CCDC146: variants seen among roughly 807,000 people sequenced by gnomAD.
The protein encoded by CCDC146 is coiled-coil domain-containing protein 146.
A neutral mutation model predicts 119.3 loss-of-function variants in CCDC146; 92 were observed. That is an observed-to-expected ratio of 0.77 (90% CI 0.65 to 0.92). The LOEUF is 0.92. Ranked by LOEUF, CCDC146 falls within the 40% of genes least tolerant of loss-of-function variation. The probability of loss-of-function intolerance (pLI) is 0.00; values close to 1 mark genes in which losing one functional copy is unlikely to be tolerated. For missense variants in CCDC146, 1,000 were observed against 1,103.0 expected (o/e 0.91, Z 1.32); for synonymous variants, 372 against 371.8 (o/e 1.00, Z -0.01).
chr7:77,274,772 G>T (rs141976639), intron 11 of CCDC146, 120 bp downstream of exon 11: 5 of 767,120 alleles, frequency 6.5e-6, no homozygotes, highest in Middle Eastern at 6.5e-4. Context: ...GCAAACTATC[G>T]CAAGGACAAA....
At chr7:77,229,444 A>G (rs34406953) in intron 2 of CCDC146, among the ~76,000 whole-genome samples, 16,074 of 152,100 alleles carry the variant, frequency 0.11, 1,113 homozygotes, top group Non-Finnish European at 0.16. Context: ...GGTTATTATA[A>G]TTTTAGGTTT....
chr7:77,199,343 T>A lies in CCDC146; in HGVS notation c.156+31519T>A, dbSNP rs368323291. On this transcript the variant is annotated intron_variant, in intron 2 of 18. Coordinates refer to ENST00000285871, the MANE Select transcript of CCDC146 (RefSeq NM_020879.3). Reference sequence around the variant, plus strand: ...TCCAGGCGACCATGAAGTACATTGATCTCCTCTTTGGCATTCTTTAGCTCA... The same window carrying A: ...TCCAGGCGACCATGAAGTACATTGAACTCCTCTTTGGCATTCTTTAGCTCA... 1.2e-5 allele frequency: 19 copies of A among 1,614,124 alleles called. No individual in the cohort carries two copies. In the African/African-American group the frequency reaches 1.6e-4, roughly 14 times the overall value.
At chr7:77,125,278 A>ATTG (rs1347761025) in intron 1 of CCDC146, among the ~76,000 whole-genome samples, 1 of 104,532 alleles carries the variant, frequency 9.6e-6, no homozygotes, top group Non-Finnish European at 2.3e-5. Context: ...CAATTTAAAC[A>ATTG]TATCTTGATA....
At chr7:77,250,381 A>G (rs1048815408) in intron 4 of CCDC146, among the ~76,000 whole-genome samples, 1 of 152,194 alleles carries the variant, frequency 6.6e-6, no homozygotes, top group Non-Finnish European at 1.5e-5. Context: ...TGACAAACAA[A>G]TGTCCTCAAT....
chr7:77,197,050 T>G, intron 2 of CCDC146: 1 of 977,744 alleles, frequency 1.0e-6, no homozygotes, highest in Non-Finnish European at 1.5e-6. Flanking sequence ...TGAAGAATTC[T>G]TTATATGTAC....
intron 4 of CCDC146, among the ~76,000 whole-genome samples, chr7:77,246,755 C>A (rs1394469240): frequency 6.6e-6 from 1 of 152,108 alleles, no homozygotes; most frequent in African/African-American, 2.4e-5. Flanking sequence ...GTAGTCAGAG[C>A]GGTATTTGTG....
intron 4 of CCDC146, among the ~76,000 whole-genome samples, chr7:77,251,426 T>C (rs369576705): frequency 7.2e-5 from 11 of 152,356 alleles, no homozygotes; most frequent in East Asian, 5.8e-4. Context: ...TTAGTCATAG[T>C]TGTTTTAAAT....
Position 77,260,014 on chromosome 7 carries a change from T to C in CCDC146, c.764T>C (p.Met255Thr). 1.3e-6 allele frequency: 2 copies of C among 1,545,902 alleles called. No individual in the cohort carries two copies. The highest frequency in any genetic ancestry group is 1.8e-6 in the Non-Finnish European group (2 of 1,137,700). Residue 255 changes from methionine (M) to threonine (T), a missense_variant, in exon 8 of 19, where the codon ATG becomes ACG. Transcript: ENST00000285871. ...IEKITRKKVE[M>T]EKKKIVLEQE... ...TGTGTGTGTATCCCCTACAGAGAAA[T>C]GGAAAAGAAAAAAATTGTCTTGGAA...
At position 77,259,187 on chromosome 7, in the gene CCDC146, T is replaced by C. The variant is rs1363969332; in HGVS notation, c.758+119T>C. 8 of 614,678 alleles carry C rather than the reference T, an allele frequency of 1.3e-5. No homozygotes were observed. In the East Asian group the frequency reaches 2.1e-4, roughly 16 times the overall value. 38.1% of individuals were successfully genotyped at this position (614,678 alleles called of 1,614,324 possible). On this transcript the variant is annotated intron_variant, in intron 7 of 18. Transcript: ENST00000285871. ...CTATGATAATTTTAGAAATTTCTGC[T>C]TTGGGCCCTGTCTAGGTTGTTTATA... is the stretch of plus-strand genomic sequence containing the variant.
rs11294929 is a variant in CCDC146, at chr7:77,271,052, GAA to G, written c.1174-2626_1174-2625del. On this transcript the variant is annotated intron_variant, in intron 9 of 18. Coordinates refer to ENST00000285871, the MANE Select transcript of CCDC146 (RefSeq NM_020879.3). The stretch of plus-strand genomic sequence containing the variant: ...GACTCCTGGATACATTGCAGCTCTG[GAA>G]AAAAAAAAAAAAAAACAGCATTCTG... 2.2e-3 allele frequency among the ~76,000 whole-genome samples: 289 copies of G among 134,380 alleles called. 2 individuals carry two copies. Among genetic ancestry groups the G allele is most frequent in the African/African-American group, 3.6e-3 (130 of 35,964 alleles). The allele number at this position is 134,380 out of a possible 152,430, so 88.2% of individuals were successfully genotyped here. A position where few individuals can be genotyped will look rare whatever the true frequency, so the allele number is the denominator to read the frequency against.
chr7:77,188,445 C>G (rs58873369), intron 2 of CCDC146, among the ~76,000 whole-genome samples: 18,101 of 152,180 alleles, frequency 0.12, 1,604 homozygotes, highest in African/African-American at 0.25. Flanking sequence ...TAAATGACCA[C>G]AAATGATTCC....
chr7:77,153,903 A>G (rs1033692520), intron 1 of CCDC146, among the ~76,000 whole-genome samples: 2 of 152,072 alleles, frequency 1.3e-5, no homozygotes, highest in African/African-American at 4.8e-5. Flanking sequence ...GGAAACAACC[A>G]AGATGCTTTT....
intron 9 of CCDC146, among the ~76,000 whole-genome samples, chr7:77,267,610 C>T (rs959841220): frequency 2.0e-5 from 3 of 151,868 alleles, no homozygotes; most frequent in Non-Finnish European, 4.4e-5. Flanking sequence ...TCTTGTCCCT[C>T]TGTATACACG....
chr7:77,257,465 A>G (rs574546176), intron 6 of CCDC146, among the ~76,000 whole-genome samples: 2 of 152,322 alleles, frequency 1.3e-5, no homozygotes, highest in South Asian at 4.1e-4. Flanking sequence ...GCTACTGTCC[A>G]GAACATAGGA....
intron 1 of CCDC146, among the ~76,000 whole-genome samples, chr7:77,165,256 C>T (rs2024328): frequency 0.074 from 11,139 of 150,760 alleles, 1,362 homozygotes; most frequent in African/African-American, 0.26. Flanking sequence ...GTATGACCTA[C>T]GCAGTCACAC....
chr7:77,224,218 G>T (rs745640202), intron 2 of CCDC146, among the ~76,000 whole-genome samples: 22 of 152,296 alleles, frequency 1.4e-4, no homozygotes, highest in South Asian at 6.2e-4. Flanking sequence ...TAAAATCAAG[G>T]TGTAATCATG....
At chr7:77,138,804 C>G (rs1467231536) in intron 1 of CCDC146, among the ~76,000 whole-genome samples, 2 of 152,118 alleles carry the variant, frequency 1.3e-5, no homozygotes, top group African/African-American at 4.8e-5. Context: ...CAAGTTAAAA[C>G]AATAGTAAGA....
At chr7:77,191,893 G>A (rs1392418253) in intron 2 of CCDC146, among the ~76,000 whole-genome samples, 1 of 151,950 alleles carries the variant, frequency 6.6e-6, no homozygotes, top group Non-Finnish European at 1.5e-5. Context: ...CTGGGCGACA[G>A]AGCAAGACTC....
At chr7:77,252,328 G>C (rs1793091425) in intron 4 of CCDC146, among the ~76,000 whole-genome samples, 1 of 152,112 alleles carries the variant, frequency 6.6e-6, no homozygotes, top group Non-Finnish European at 1.5e-5. Context: ...GATTCAAAAA[G>C]CTCAATGAGC....
Sources: gnomAD v4.1 joint callset for allele counts (sites outside exome capture counted in the v4.1 genomes callset) on GRCh38, gnomAD v4.1.1 for gene constraint, MANE v1.5 for transcripts, NCBI Gene and HGNC (gene_info 2026-07-23, HGNC 2026-07-21) for gene names.